Variants in FER observed in about 807,000 individuals in gnomAD.
The protein encoded by FER is FER tyrosine kinase, also known as tyrosine-protein kinase Fer.
FER carries 63 observed loss-of-function variants against 111.0 expected under a neutral mutation model. The observed-to-expected ratio is 0.57, with a 90% CI of 0.46 to 0.70. FER has a LOEUF of 0.70. FER is among the 30% of genes least tolerant of loss of function. The pLI is 0.00. For synonymous variants in FER, 327 were observed against 313.9 expected (o/e 1.04, Z -0.44); for missense variants, 914 against 954.0 (o/e 0.96, Z 0.55).
intron 17 of FER, among the ~76,000 whole-genome samples, chr5:109,134,503 G>T (rs1032609778): frequency 6.6e-6 from 1 of 152,048 alleles, no homozygotes; most frequent in South Asian, 2.1e-4. Flanking sequence ...CACCCCAGCT[G>T]CTTTAGAGGC....
chr5:109,068,279 G>A (rs977286067), intron 16 of FER, among the ~76,000 whole-genome samples: 14 of 149,222 alleles, frequency 9.4e-5, no homozygotes, highest in Admixed American at 2.0e-4. Context: ...TGCCTTCCGG[G>A]TTCAAGCAAT....
chr5:109,138,505 A>G (rs1364107806), intron 17 of FER, among the ~76,000 whole-genome samples: 1 of 152,216 alleles, frequency 6.6e-6, no homozygotes, highest in Non-Finnish European at 1.5e-5. Flanking sequence ...ACCCTTGTCA[A>G]TTAAATAGTT....
intron 10 of FER, among the ~76,000 whole-genome samples, chr5:108,914,699 A>C (rs1375225542): frequency 1.3e-5 from 2 of 152,218 alleles, no homozygotes; most frequent in Non-Finnish European, 2.9e-5. Context: ...ACTTTGAAGT[A>C]GTCTTTATTC....
chr5:108,876,520 G>C (rs1023814109), intron 8 of FER, among the ~76,000 whole-genome samples: 2 of 152,102 alleles, frequency 1.3e-5, no homozygotes, highest in African/African-American at 2.4e-5. Context: ...ATCAGTTCAT[G>C]CCTATAGTGT....
chr5:108,962,286 C>T (rs1464756318), intron 13 of FER, among the ~76,000 whole-genome samples: 1 of 152,070 alleles, frequency 6.6e-6, no homozygotes, highest in Non-Finnish European at 1.5e-5. Context: ...ATTAATCACC[C>T]GTTATCATCA....
At chr5:109,026,088 CT>C (rs1340120545) in intron 13 of FER, among the ~76,000 whole-genome samples, 1 of 152,008 alleles carries the variant, frequency 6.6e-6, no homozygotes, top group African/African-American at 2.4e-5. Context: ...ATTATACAGC[CT>C]TTTGTTCAGT....
chr5:109,043,205 G>C (rs961552343), intron 14 of FER, among the ~76,000 whole-genome samples: 1 of 152,332 alleles, frequency 6.6e-6, no homozygotes, highest in South Asian at 2.1e-4. Context: ...GTAAGTTTTA[G>C]ACAAGCTGAA....
At chr5:109,072,540 A>T (rs1056836805) in intron 16 of FER, among the ~76,000 whole-genome samples, 6 of 151,820 alleles carry the variant, frequency 4.0e-5, no homozygotes, top group Non-Finnish European at 7.4e-5. Context: ...TAATCAAGTG[A>T]TCCCAGAAAA....
intron 3 of FER, among the ~76,000 whole-genome samples, chr5:108,823,046 A>G (rs950630541): frequency 1.3e-5 from 2 of 152,022 alleles, no homozygotes; most frequent in Admixed American, 6.6e-5. Flanking sequence ...TAATTTTTGT[A>G]TTTTTAGTAG....
rs1749358273 is a variant in FER at position 108,897,726 on chromosome 5, T to A, written c.1114T>A (p.Cys372Ser). 3 of 1,613,436 alleles carry A rather than the reference T, an allele frequency of 1.9e-6. No homozygotes were observed. In the South Asian group the frequency reaches 3.3e-5, roughly 18 times the overall value. The change falls in exon 10 of 20, where the codon TGC (cysteine) becomes AGC (serine). Residue 372 changes from cysteine to serine, a missense_variant. Cys to Ser is a moderately radical substitution (Grantham distance 112). Transcript: ENST00000281092. ...ELKQSVQQLR[C>S]TEAKFSAQKE... ...GAAACAGTCAGTCCAGCAGCTGAGA[T>A]GCACTGAAGCAAAGTTTTCAGCACA...
At chr5:109,053,223 A>C (rs1415869960) in intron 16 of FER, among the ~76,000 whole-genome samples, 1 of 151,966 alleles carries the variant, frequency 6.6e-6, no homozygotes, top group Non-Finnish European at 1.5e-5. Flanking sequence ...ATCTCTACTA[A>C]AAATAAAATT....
intron 2 of FER, among the ~76,000 whole-genome samples, chr5:108,769,565 G>C (rs563325038): frequency 3.3e-4 from 50 of 152,288 alleles, no homozygotes; most frequent in African/African-American, 1.2e-3. Flanking sequence ...TTTAGGAGCT[G>C]AGGTGAGATA....
At chr5:108,769,761 TATC>T (rs2149961270) in intron 2 of FER, among the ~76,000 whole-genome samples, 1 of 152,350 alleles carries the variant, frequency 6.6e-6, no homozygotes, top group Non-Finnish European at 1.5e-5. Context: ...TAGAAGCTGG[TATC>T]ATGTACAGAA....
chr5:108,863,757 G>T (rs1282006080), intron 5 of FER, among the ~76,000 whole-genome samples: 5 of 151,930 alleles, frequency 3.3e-5, no homozygotes, highest in Admixed American at 6.5e-5. Context: ...AAAAATCACT[G>T]GGCATACCTC....
At chr5:109,170,551 A>C (rs961268864) in intron 17 of FER, among the ~76,000 whole-genome samples, 2 of 152,148 alleles carry the variant, frequency 1.3e-5, no homozygotes, top group Non-Finnish European at 2.9e-5. Context: ...AAAGACATCT[A>C]TGCCTCTGAG....
rs572187703 is a variant in FER at position 109,163,677 on chromosome 5, G to A, written c.2049-17070G>A. Among the ~76,000 whole-genome samples the A allele has an allele frequency of 1.2e-4, 19 of 152,054 alleles. No individual in the cohort carries two copies. The South Asian group carries it at 2.5e-3, about 20-fold the overall frequency. Reference sequence around the variant, plus strand: ...GCCCAGGCTGGTCTTGAACTCCTGCGCTCGATCCTCCTGCCTCGGCTTCCT... The same window carrying A: ...GCCCAGGCTGGTCTTGAACTCCTGCACTCGATCCTCCTGCCTCGGCTTCCT... On this transcript the variant is annotated intron_variant, in intron 17 of 19. Transcript: ENST00000281092.
chr5:109,183,780 T>A (rs72798583), intron 18 of FER, among the ~76,000 whole-genome samples: 11,117 of 151,918 alleles, frequency 0.073, 517 homozygotes, highest in Middle Eastern at 0.18. Flanking sequence ...AAGTGGGGGG[T>A]GGGGCATAGA....
intron 16 of FER, among the ~76,000 whole-genome samples, chr5:109,048,234 C>T (rs1046496945): frequency 4.6e-5 from 7 of 151,998 alleles, no homozygotes; most frequent in Admixed American, 4.6e-4. Flanking sequence ...TACTGCTTTG[C>T]TTGCTATTGA....
intron 13 of FER, among the ~76,000 whole-genome samples, chr5:109,002,519 C>T (rs1764924692): frequency 6.6e-6 from 1 of 151,718 alleles, no homozygotes; most frequent in Non-Finnish European, 1.5e-5. Flanking sequence ...CCATAAAAAC[C>T]CTAGAAGAAA....
Sources: allele counts gnomAD v4.1 joint callset (sites outside exome capture counted in the v4.1 genomes callset), GRCh38; gene constraint gnomAD v4.1.1; transcripts MANE v1.5; gene names NCBI Gene and HGNC (gene_info 2026-07-23, HGNC 2026-07-21).